Variants in DENND1C observed in about 807,000 individuals in gnomAD.
DENND1C encodes the protein DENN domain-containing protein 1C.
In DENND1C, 64 loss-of-function variants were observed where a neutral mutation model predicts 87.9. The observed-to-expected ratio is 0.73, with a 90% CI of 0.60 to 0.90. The LOEUF is 0.90. Among genes scored for constraint, DENND1C ranks in the 40% least tolerant of loss-of-function variants. DENND1C has a pLI of 0.00. For missense variants in DENND1C, 980 were observed against 1,037.0 expected, an observed-to-expected ratio of 0.95 and a Z score of 0.76; for synonymous variants, 384 against 424.4, an observed-to-expected ratio of 0.90 and a Z score of 1.17.
chr19:6,479,576 G>A, intron 4 of DENND1C, 93 bp downstream of exon 4: 2 of 1,530,592 alleles, frequency 1.3e-6, no homozygotes, highest in Non-Finnish European at 1.8e-6. Context: ...GAGTGTATGG[G>A]TTTCCAGATG....
intron 1 of DENND1C, 71 bp downstream of exon 1, chr19:6,481,608 T>C: frequency 1.0e-5 from 16 of 1,603,688 alleles, no homozygotes; most frequent in Non-Finnish European, 1.4e-5. Context: ...CAGCCCCAGC[T>C]CCCCTCTGCC....
At chr19:6,472,413 C>T (rs983204116) in intron 15 of DENND1C, among the ~76,000 whole-genome samples, 6 of 152,178 alleles carry the variant, frequency 3.9e-5, no homozygotes, top group Non-Finnish European at 7.4e-5. Context: ...TTGTTTGAGA[C>T]GGAGTCTCGC....
At chr19:6,478,535 C>T (rs1599390484) in intron 6 of DENND1C, among the ~76,000 whole-genome samples, 1 of 151,792 alleles carries the variant, frequency 6.6e-6, no homozygotes, top group Non-Finnish European at 1.5e-5. Context: ...GGATTACAGG[C>T]GTGAGCCACA....
intron 19 of DENND1C, chr19:6,469,356 G>A: frequency 1.9e-6 from 1 of 515,214 alleles, no homozygotes; most frequent in Non-Finnish European, 3.5e-6. Flanking sequence ...TTGAGACAGG[G>A]TCTCTCTGTC....
At position 6,475,268 on chromosome 19, in the gene DENND1C, G is replaced by A. The variant is rs1036845286; in HGVS notation, c.1053+6C>T. ...AGACCTCTCCCGCAGCGTCCCCGCT[G>A]CTCACCGGGCTGCAGACGAGTGCGT... On this transcript the variant is annotated splice_donor_region_variant and intron_variant, in intron 14 of 22. Transcript: ENST00000381480. 1 of 1,612,988 alleles carries A rather than the reference G, an allele frequency of 6.2e-7. No individual in the cohort carries two copies. Among genetic ancestry groups the A allele is most frequent in the Non-Finnish European group, 8.5e-7 (1 of 1,179,856 alleles).
chr19:6,467,345 G>T lies in DENND1C; in HGVS notation c.*159C>A. On this transcript the variant is annotated 3_prime_UTR_variant, in exon 23 of 23. Coordinates refer to ENST00000381480, the MANE Select transcript of DENND1C (RefSeq NM_024898.4). ...GAGGCTTCCTGGAATTCCCTGCTAG[G>T]AGCCAGTTAGAGAGGCTGCCCTTGG... 1 of 969,898 alleles carries T rather than the reference G, an allele frequency of 1.0e-6. No homozygotes were observed. The highest frequency in any genetic ancestry group is 2.6e-5 in the South Asian group (1 of 38,430). 60.1% of individuals were successfully genotyped at this position (969,898 alleles called of 1,614,324 possible). A position where few individuals can be genotyped will look rare whatever the true frequency, so the allele number is the denominator to read the frequency against.
chr19:6,479,898 G>A lies in DENND1C; in HGVS notation c.87C>T (p.Pro29=), dbSNP rs374481708. 1.2e-6 allele frequency: 2 copies of A among 1,604,048 alleles called. No homozygotes were observed. Among genetic ancestry groups the A allele is most frequent in the Non-Finnish European group, 1.7e-6 (2 of 1,175,564 alleles). ...AACPASLQED[P]PILRQFPPDF... ...CTGGAGGGAACTGCCGCAGGATGGG[G>A]GGATCTGTAGAAGAGAGCACGCCTC... The change falls in exon 3 of 23, where the codon CCC becomes CCT. Residue 29 remains proline, a synonymous_variant. Coordinates refer to ENST00000381480, the MANE Select transcript of DENND1C (RefSeq NM_024898.4).
chr19:6,478,936 C>A lies in DENND1C; in HGVS notation c.296+1G>T. ...CCCCCTCCAACCCCCATATCCCGCA[C>A]CTGAGGATGCAGAGACAGCTCTGGG... On this transcript the variant is annotated splice_donor_variant, in intron 5 of 22. Coordinates refer to ENST00000381480, the MANE Select transcript of DENND1C (RefSeq NM_024898.4). LOFTEE classifies it high-confidence loss of function. The A allele has an allele frequency of 6.2e-7, 1 of 1,613,952 alleles. No individual in the cohort carries two copies. Among genetic ancestry groups the A allele is most frequent in the Admixed American group, 1.7e-5 (1 of 60,016 alleles).
At position 6,479,655 on chromosome 19, in the gene DENND1C, C is replaced by G; in HGVS notation, c.176+14G>C. Reference sequence around the variant, plus strand: ...TGAGTCCCTGAGTCCTTGGATCTCCCCGCCCTTCCGTACCTTTCCACATCA... The same window carrying G: ...TGAGTCCCTGAGTCCTTGGATCTCCGCGCCCTTCCGTACCTTTCCACATCA... On this transcript the variant is annotated intron_variant, in intron 4 of 22. Coordinates refer to ENST00000381480, the MANE Select transcript of DENND1C (RefSeq NM_024898.4). 6.2e-7 allele frequency: 1 copy of G among 1,613,788 alleles called. No homozygotes were observed. The highest frequency in any genetic ancestry group is 8.5e-7 in the Non-Finnish European group (1 of 1,179,830).
chr19:6,468,986 CCA>C (rs2092813109), intron 19 of DENND1C, 33 bp from the exon 20 acceptor site: 1 of 1,267,828 alleles, frequency 7.9e-7, no homozygotes, highest in East Asian at 2.8e-5. Flanking sequence ...GGAACCTCTG[CCA>C]CAGAGTCTCC....
chr19:6,475,607 C>T, intron 12 of DENND1C, 22 bp from the exon 13 acceptor site: 1 of 1,613,914 alleles, frequency 6.2e-7, no homozygotes, highest in South Asian at 1.1e-5. Context: ...CGGGGTCGGC[C>T]GCTCAGAGCC....
chr19:6,479,079 AG>A (rs2092881202), intron 4 of DENND1C, 23 bp from the exon 5 acceptor site: 1 of 1,613,398 alleles, frequency 6.2e-7, no homozygotes, highest in Non-Finnish European at 8.5e-7. Flanking sequence ...GGGCTGTTAG[AG>A]AGACCTGGAC....
chr19:6,474,931 T>C (rs1167319251), intron 14 of DENND1C, among the ~76,000 whole-genome samples: 1 of 151,998 alleles, frequency 6.6e-6, no homozygotes, highest in Non-Finnish European at 1.5e-5. Flanking sequence ...TAGCTGGGCA[T>C]GGTGGTGCGC....
chr19:6,479,084 C>T (rs1260008242), intron 4 of DENND1C, 28 bp from the exon 5 acceptor site: 2 of 1,613,046 alleles, frequency 1.2e-6, no homozygotes, highest in Admixed American at 1.7e-5. Flanking sequence ...GTTAGAGAGA[C>T]CTGGACATCC....
At chr19:6,479,770 C>A in intron 3 of DENND1C, 52 bp from the exon 4 acceptor site, 2 of 1,613,920 alleles carry the variant, frequency 1.2e-6, no homozygotes. Context: ...CGGGCACCAC[C>A]TCCCTGGGCT....
chr19:6,477,627 A>ATAATAATAATAC, intron 6 of DENND1C, 169 bp from the exon 7 acceptor site: 1 of 227,894 alleles, frequency 4.4e-6, no homozygotes, highest in Non-Finnish European at 8.3e-6. Context: ...AATAATAATA[A>ATAATAATAATAC]TAATAGAGAC....
rs1363473833 is a variant in DENND1C at position 6,475,338 on chromosome 19, C to A, written c.989G>T (p.Arg330Leu). The A allele has an allele frequency of 6.2e-7, 1 of 1,613,006 alleles. No homozygotes were observed. The change falls in exon 14 of 23, where the codon CGT becomes CTT. Residue 330 changes from arginine to leucine, a missense_variant. Arg to Leu is a moderately radical substitution (Grantham distance 102). Coordinates refer to ENST00000381480, the MANE Select transcript of DENND1C (RefSeq NM_024898.4). ...VALAPGEGVS[R>L]LFLKAQALLF... ...CAGGGCCTGGGCTTTGAGGAAGAGA[C>A]GGGACACCCCTTCCCCGGGGGCCAG...
At chr19:6,480,522 C>A (rs1169357071) in intron 1 of DENND1C, 16 of 963,930 alleles carry the variant, frequency 1.7e-5, no homozygotes, top group Non-Finnish European at 1.8e-5. Flanking sequence ...ATCCATCCAT[C>A]CATCCACCCA....
chr19:6,475,772 G>T (rs1297143210), intron 11 of DENND1C, 21 bp from the exon 12 acceptor site: 1 of 1,542,914 alleles, frequency 6.5e-7, no homozygotes, highest in Non-Finnish European at 8.8e-7. Context: ...AGGGGACGGG[G>T]TCATGCAGGC....
Sources: allele counts gnomAD v4.1 joint callset (sites outside exome capture counted in the v4.1 genomes callset), GRCh38; gene constraint gnomAD v4.1.1; transcripts MANE v1.5; gene names NCBI Gene and HGNC (gene_info 2026-07-23, HGNC 2026-07-21).